LIPA: variants seen among roughly 807,000 people sequenced by gnomAD.
The protein encoded by LIPA is lysosomal acid lipase/cholesteryl ester hydrolase.
A neutral mutation model predicts 40.6 loss-of-function variants in LIPA; 26 were observed. That is an observed-to-expected ratio of 0.64 (90% confidence interval 0.47 to 0.89). LIPA has a LOEUF of 0.89. LIPA is among the 40% of genes least tolerant of loss of function. The pLI is 0.00. For missense variants in LIPA, 455 were observed against 479.6 expected (o/e 0.95, Z 0.48); for synonymous variants, 188 against 168.4 (o/e 1.12, Z -0.90).
chr10:89,413,339 G>C (rs1441370967), intron 1 of LIPA, among the ~76,000 whole-genome samples: 1 of 152,168 alleles, frequency 6.6e-6, no homozygotes, highest in African/African-American at 2.4e-5. Flanking sequence ...ACAACTGTTA[G>C]AAGTGATTGC....
In LIPA at chr10:89,348,284, C is replaced by T. The variant is rs118043504; in HGVS notation, c.61+64507G>A. On this transcript the variant is annotated intron_variant, in intron 2 of 8. Coordinates refer to the LIPA transcript ENST00000371837. ...TGTTAATGACTTCCTCTCCTTTATG[C>T]CTCCCTGGGGGCTGAGTTTCTATTT... 7.5e-3 allele frequency among the ~76,000 whole-genome samples: 1,143 copies of T among 152,254 alleles called. 30 individuals are homozygous for T. In the East Asian group the frequency reaches 0.092, roughly 12 times the overall value.
At position 89,237,476 on chromosome 10, in the gene LIPA, C is replaced by A. The variant is rs73357765; in HGVS notation, c.229+8200G>T. Among the ~76,000 whole-genome samples the A allele has an allele frequency of 4.2e-3, 634 of 151,582 alleles. 1 individual carries two copies. The highest frequency in any genetic ancestry group is 5.6e-3 in the African/African-American group (230 of 41,086). On this transcript the variant is annotated intron_variant, in intron 3 of 9. Coordinates refer to ENST00000336233, the MANE Select transcript of LIPA (RefSeq NM_000235.4). ...AACAAAAAAAAATATATATATATAT[C>A]CCACAAAGGACGTTTATTAGTAAGG...
intron 2 of LIPA, among the ~76,000 whole-genome samples, chr10:89,353,477 G>A (rs931717169): frequency 2.0e-5 from 3 of 152,106 alleles, no homozygotes; most frequent in African/African-American, 4.8e-5. Flanking sequence ...GAGAAATAAC[G>A]AAAGACCCCA....
chr10:89,383,642 G>T, intron 2 of LIPA: 1 of 1,614,234 alleles, frequency 6.2e-7, no homozygotes, highest in Non-Finnish European at 8.5e-7. Context: ...CACATGGGCA[G>T]ATTGGCAGAA....
intron 2 of LIPA, chr10:89,392,634 C>T (rs1352165940): frequency 6.5e-7 from 1 of 1,528,628 alleles, no homozygotes; most frequent in African/African-American, 1.4e-5. Context: ...ACTGAAAATC[C>T]ACAAGACAGA....
chr10:89,402,577 T>C (rs1844446763), intron 2 of LIPA: 1 of 1,613,998 alleles, frequency 6.2e-7, no homozygotes, highest in South Asian at 1.1e-5. Context: ...TGGGGCAACT[T>C]TGCCTGGATG....
At chr10:89,336,706 G>C (rs749270936) in intron 1 of LIPA, among the ~76,000 whole-genome samples, 1 of 152,088 alleles carries the variant, frequency 6.6e-6, no homozygotes, top group Non-Finnish European at 1.5e-5. Flanking sequence ...AGAATAGATG[G>C]TTGGTATCTT....
chr10:89,388,810 AT>A (rs1364269868), intron 2 of LIPA, among the ~76,000 whole-genome samples: 28 of 150,718 alleles, frequency 1.9e-4, no homozygotes, highest in African/African-American at 5.8e-4. Context: ...AAAAAAAAAA[AT>A]GAGCTAATAA....
In LIPA at chr10:89,320,380, C is replaced by T. The variant is rs180670622; in HGVS notation, c.-2+22231G>A. Among the ~76,000 whole-genome samples, 147 of 152,248 alleles carry T rather than the reference C, an allele frequency of 9.7e-4. 4 individuals are homozygous for T. The highest frequency in any genetic ancestry group is 3.5e-3 in the African/African-American group (144 of 41,550). On this transcript the variant is annotated intron_variant, in intron 1 of 5. Coordinates refer to the LIPA transcript ENST00000282673. Reference sequence around the variant, plus strand: ...GCAACTTCAGCAAAGTCTCAGGATCCAAAATCAATGTGCAAAAATCACAAG... The same window carrying T: ...GCAACTTCAGCAAAGTCTCAGGATCTAAAATCAATGTGCAAAAATCACAAG...
intron 8 of LIPA, among the ~76,000 whole-genome samples, chr10:89,222,073 G>A (rs929626488): frequency 6.6e-5 from 10 of 152,182 alleles, no homozygotes; most frequent in Non-Finnish European, 1.5e-4. Context: ...AGCATATTGT[G>A]ATCAGGGGTT....
chr10:89,311,232 C>T (rs1332783615), intron 1 of LIPA, among the ~76,000 whole-genome samples: 5 of 152,080 alleles, frequency 3.3e-5, no homozygotes, highest in Non-Finnish European at 5.9e-5. Flanking sequence ...CATTTAAAAA[C>T]TCAAACCTGG....
At chr10:89,332,612 A>G in intron 1 of LIPA, 1 of 1,614,166 alleles carries the variant, frequency 6.2e-7, no homozygotes, top group Non-Finnish European at 8.5e-7. Context: ...AACTGCAGGG[A>G]AACAGCCATC....
intron 2 of LIPA, among the ~76,000 whole-genome samples, chr10:89,357,902 C>T (rs1048038826): frequency 3.9e-5 from 6 of 152,126 alleles, no homozygotes; most frequent in Non-Finnish European, 8.8e-5. Context: ...ATATCTTATT[C>T]AAAAGGTACA....
chr10:89,307,649 A>G (rs1355751482), intron 1 of LIPA: 1 of 324,000 alleles, frequency 3.1e-6, no homozygotes, highest in Non-Finnish European at 5.7e-6. Context: ...TTGAACTGTA[A>G]CATTTGCTTA....
At chr10:89,357,930 T>G (rs1843996873) in intron 2 of LIPA, among the ~76,000 whole-genome samples, 1 of 152,204 alleles carries the variant, frequency 6.6e-6, no homozygotes. Context: ...CTTTTCCTGT[T>G]TGGTTTTGTG....
chr10:89,245,628 CA>C (rs1457865588), intron 3 of LIPA, 47 bp downstream of exon 3: 1 of 978,552 alleles, frequency 1.0e-6, no homozygotes, highest in South Asian at 1.3e-5. Flanking sequence ...GTTACTAACA[CA>C]AAACCCAGAA....
intron 1 of LIPA, among the ~76,000 whole-genome samples, chr10:89,290,909 T>C (rs560281187): frequency 1.3e-5 from 2 of 152,330 alleles, no homozygotes; most frequent in African/African-American, 4.8e-5. Context: ...CTATATAAAA[T>C]AGATTTCTTT....
intron 1 of LIPA, among the ~76,000 whole-genome samples, chr10:89,250,574 A>G (rs1051321178): frequency 1.3e-5 from 2 of 152,212 alleles, no homozygotes; most frequent in African/African-American, 4.8e-5. Context: ...CTAGAGAATA[A>G]GGAGTAAATT....
At chr10:89,232,678 G>A (rs1365825112) in intron 3 of LIPA, among the ~76,000 whole-genome samples, 1 of 152,202 alleles carries the variant, frequency 6.6e-6, no homozygotes, top group African/African-American at 2.4e-5. Flanking sequence ...GGCTGGAAGG[G>A]GAGATGTTGG....
Sources: gnomAD v4.1 joint callset for allele counts (sites outside exome capture counted in the v4.1 genomes callset) on GRCh38, gnomAD v4.1.1 for gene constraint, MANE v1.5 for transcripts, NCBI Gene and HGNC (gene_info 2026-07-23, HGNC 2026-07-21) for gene names.